NFIX: variants seen among roughly 807,000 people sequenced by gnomAD.
NFIX encodes the protein nuclear factor I X.
Under a neutral mutation model 53.3 loss-of-function variants are expected in NFIX, and 2 were observed. The observed-to-expected ratio is 0.04, with a 90% CI of 0.02 to 0.12. NFIX has a LOEUF of 0.12. Among genes scored for constraint, NFIX ranks in the 10% least tolerant of loss-of-function variants. The probability of loss-of-function intolerance (pLI) is 1.00; values close to 1 mark genes in which losing one functional copy is unlikely to be tolerated. For synonymous variants in NFIX, 244 were observed against 289.0 expected, an observed-to-expected ratio of 0.84 and a Z score of 1.58; for missense variants, 310 against 674.5, an observed-to-expected ratio of 0.46 and a Z score of 5.99.
intron 1 of NFIX, among the ~76,000 whole-genome samples, chr19:13,017,660 G>A (rs766407658): frequency 6.6e-6 from 1 of 152,236 alleles, no homozygotes; most frequent in Non-Finnish European, 1.5e-5. Flanking sequence ...TCCGAAGGAG[G>A]GGATTTGCTG....
intron 2 of NFIX, among the ~76,000 whole-genome samples, chr19:13,059,862 C>A (rs991604269): frequency 7.0e-6 from 1 of 143,064 alleles, no homozygotes; most frequent in African/African-American, 2.6e-5. Context: ...CGGCTCACTG[C>A]AGCCTTTGCC....
At position 13,094,609 on chromosome 19, in the gene NFIX, A is replaced by AT; in HGVS notation, c.1495-25dup. On this transcript the variant is annotated intron_variant, in intron 10 of 10. Coordinates refer to ENST00000592199, the MANE Select transcript of NFIX (RefSeq NM_001365902.3). The surrounding 1 kb of genome is among the most constrained non-coding windows in gnomAD (Gnocchi z 4.3). ...GGGACCTGCCCCAGCTGTTCTCAGT[A>AT]TCGCCTCTTTTTCATCCTGTTTCAG... 2 of 1,536,094 alleles carry AT rather than the reference A, an allele frequency of 1.3e-6. No homozygotes were observed. Among genetic ancestry groups the AT allele is most frequent in the East Asian group, 4.9e-5 (2 of 40,906 alleles).
chr19:13,085,973 A>C (rs1240418011), intron 8 of NFIX, among the ~76,000 whole-genome samples: 1 of 152,216 alleles, frequency 6.6e-6, no homozygotes, highest in East Asian at 1.9e-4. Flanking sequence ...GAGATCAAGA[A>C]TGTCCTAGAG....
At position 13,067,629 on chromosome 19, in the gene NFIX, G is replaced by C. The variant is rs1599831084; in HGVS notation, c.560-5418G>C. Among the ~76,000 whole-genome samples the C allele has an allele frequency of 6.6e-6, 1 of 152,046 alleles. No homozygotes were observed. Among genetic ancestry groups the C allele is most frequent in the African/African-American group, 2.4e-5 (1 of 41,386 alleles). On this transcript the variant is annotated intron_variant, in intron 2 of 10. Coordinates refer to ENST00000592199, the MANE Select transcript of NFIX (RefSeq NM_001365902.3). This position sits in a 1 kb window ranked among gnomAD's most constrained non-coding sequence, Gnocchi z 4.2. ...ACACCCCTCAGCCTCCATAAAACTT[G>C]TTAGGCCAAAGTCCGTGGGGGCAAT...
intron 1 of NFIX, chr19:13,024,648 G>C: frequency 1.3e-6 from 2 of 1,536,436 alleles, no homozygotes; most frequent in Non-Finnish European, 1.7e-6. Context: ...AGATGTCATG[G>C]GCGCGACAGA....
intron 2 of NFIX, among the ~76,000 whole-genome samples, chr19:13,034,952 C>T (rs1410198072): frequency 1.3e-5 from 2 of 152,204 alleles, no homozygotes; most frequent in Admixed American, 1.3e-4. Flanking sequence ...TGAGATCATT[C>T]TGTGTCTTGG....
intron 2 of NFIX, among the ~76,000 whole-genome samples, chr19:13,026,667 GC>G (rs1411863713): frequency 6.6e-6 from 1 of 152,006 alleles, no homozygotes; most frequent in Non-Finnish European, 1.5e-5. Flanking sequence ...ATTAAGCAAG[GC>G]AGAAGTGTGT....
Position 13,073,365 on chromosome 19 carries a change from A to G in NFIX, c.623-57A>G, listed in dbSNP as rs371743683. ...AACAGTGTGGAAGACCTTTGGAAAT[A>G]GCCAGGCAGCCCCCTTCTGGCCTTG... On this transcript the variant is annotated intron_variant, in intron 3 of 10. Transcript: ENST00000592199. The surrounding 1 kb of genome is among the most constrained non-coding windows in gnomAD (Gnocchi z 4.5). The G allele has an allele frequency of 1.2e-5, 17 of 1,433,968 alleles. No individual in the cohort carries two copies. The African/African-American group carries it at 2.4e-4, about 20-fold the overall frequency. 88.8% of individuals were successfully genotyped at this position (1,433,968 alleles called of 1,614,324 possible).
chr19:13,088,489 G>GTT lies in NFIX; in HGVS notation c.1402+365_1402+366dup, dbSNP rs888457720. ...CATGCCATCTTCATGCCTGATTGCTGTTTTTTTTTTTTTGTTTTTTGTTTT... is the reference window on the plus strand; with the variant it reads ...CATGCCATCTTCATGCCTGATTGCTGTTTTTTTTTTTTTTTGTTTTTTGTTTT... On this transcript the variant is annotated intron_variant, in intron 9 of 10. Transcript: ENST00000592199. This position sits in a 1 kb window ranked among gnomAD's most constrained non-coding sequence, Gnocchi z 5.9. 7.6e-5 allele frequency among the ~76,000 whole-genome samples: 11 copies of GTT among 144,014 alleles called. No homozygotes were observed. The highest frequency in any genetic ancestry group is 1.8e-4 in the African/African-American group (7 of 39,198). 94.5% of individuals were successfully genotyped at this position (144,014 alleles called of 152,430 possible).
At chr19:13,075,429 C>T in intron 5 of NFIX, 106 bp from the exon 6 acceptor site, 1 of 1,293,070 alleles carries the variant, frequency 7.7e-7, no homozygotes, top group Admixed American at 2.4e-5. Context: ...GGCACCACTC[C>T]CCACCCAGAG....
chr19:13,073,766 C>A lies in NFIX; in HGVS notation c.698-140C>A. On this transcript the variant is annotated intron_variant, in intron 4 of 10. Coordinates refer to ENST00000592199, the MANE Select transcript of NFIX (RefSeq NM_001365902.3). This position sits in a 1 kb window ranked among gnomAD's most constrained non-coding sequence, Gnocchi z 4.5. ...AGCTGGGAGGAGGTTCCTCAGCAGC[C>A]CAGATGGCCCACTTTCTCCCATCTC... 1 of 1,166,218 alleles carries A rather than the reference C, an allele frequency of 8.6e-7. No individual in the cohort carries two copies. The highest frequency in any genetic ancestry group is 1.2e-6 in the Non-Finnish European group (1 of 817,814). The allele number at this position is 1,166,218 out of a possible 1,614,324, so 72.2% of individuals were successfully genotyped here. A position where few individuals can be genotyped will look rare whatever the true frequency, so the allele number is the denominator to read the frequency against.
Position 13,006,892 on chromosome 19 carries a change from C to T in NFIX, c.27+11028C>T, listed in dbSNP as rs896628170. 4.6e-5 allele frequency among the ~76,000 whole-genome samples: 7 copies of T among 152,184 alleles called. No individual in the cohort carries two copies. Among genetic ancestry groups the T allele is most frequent in the South Asian group, 2.1e-4 (1 of 4,830 alleles). The stretch of plus-strand genomic sequence containing the variant: ...CTGCCTGCCACCCCCACCCCATGCC[C>T]GGGCAGAGCCGAGCGGCTGCTGCTG... On this transcript the variant is annotated intron_variant, in intron 1 of 10. Coordinates refer to ENST00000592199, the MANE Select transcript of NFIX (RefSeq NM_001365902.3). This position sits in a 1 kb window ranked among gnomAD's most constrained non-coding sequence, Gnocchi z 5.6.
At chr19:13,050,163 C>T (rs547088698) in intron 2 of NFIX, among the ~76,000 whole-genome samples, 9 of 152,350 alleles carry the variant, frequency 5.9e-5, no homozygotes, top group Middle Eastern at 3.4e-3. Flanking sequence ...CACCCAGGGT[C>T]TCTCTGGGTT....
chr19:13,038,595 C>T (rs893952895), intron 2 of NFIX, among the ~76,000 whole-genome samples: 7 of 152,188 alleles, frequency 4.6e-5, no homozygotes, highest in African/African-American at 1.4e-4. Context: ...TAGAAGTTTC[C>T]GTTTAGCCCG....
chr19:13,034,888 A>T (rs1011064263), intron 2 of NFIX, among the ~76,000 whole-genome samples: 4 of 152,040 alleles, frequency 2.6e-5, no homozygotes, highest in African/African-American at 7.2e-5. Context: ...CTCACCATTG[A>T]TATCAGCTCC....
At chr19:13,057,476 C>CTCGGCTT (rs1326230719) in intron 2 of NFIX, among the ~76,000 whole-genome samples, 3 of 152,238 alleles carry the variant, frequency 2.0e-5, no homozygotes, top group East Asian at 1.9e-4. Flanking sequence ...GAGCTGCAGA[C>CTCGGCTT]TCGGCTTTCG....
chr19:13,046,471 C>A (rs753949427), intron 2 of NFIX, among the ~76,000 whole-genome samples: 10 of 152,040 alleles, frequency 6.6e-5, no homozygotes, highest in Non-Finnish European at 1.5e-4. Flanking sequence ...GCCTTCCCCC[C>A]CCCTCTTTTT....
chr19:13,070,224 T>C (rs889377411), intron 2 of NFIX: 1 of 152,256 alleles, frequency 6.6e-6, no homozygotes, highest in Admixed American at 6.5e-5. Context: ...TTCCTCTATC[T>C]ATCCAAGGCA....
At position 13,068,503 on chromosome 19, in the gene NFIX, G is replaced by GC. The variant is rs565537666; in HGVS notation, c.560-4539dup. 6.6e-6 allele frequency among the ~76,000 whole-genome samples: 1 copy of GC among 152,222 alleles called. No homozygotes were observed. The highest frequency in any genetic ancestry group is 1.5e-5 in the Non-Finnish European group (1 of 68,040). On this transcript the variant is annotated intron_variant, in intron 2 of 10. Coordinates refer to ENST00000592199, the MANE Select transcript of NFIX (RefSeq NM_001365902.3). The surrounding 1 kb of genome is among the most constrained non-coding windows in gnomAD (Gnocchi z 4.2). ...TGGCTGTTCCAGAGGTTACTGAGGG[G>GC]CCCCCAAGGAAGAGAGGGGCCCAGA... is the stretch of plus-strand genomic sequence containing the variant.
Sources: allele counts gnomAD v4.1 joint callset (sites outside exome capture counted in the v4.1 genomes callset), GRCh38; gene constraint gnomAD v4.1.1; non-coding constraint Gnocchi (gnomAD v3.1); transcripts MANE v1.5; gene names NCBI Gene and HGNC (gene_info 2026-07-23, HGNC 2026-07-21).